The following AVPI1 variants were observed in gnomAD, a reference collection of about 807,000 sequenced individuals.
The protein encoded by AVPI1 is arginine vasopressin induced 1.
A neutral mutation model predicts 11.9 loss-of-function variants in AVPI1; 9 were observed. That is an observed-to-expected ratio of 0.76 (90% CI 0.46 to 1.32). AVPI1 has a LOEUF of 1.32. AVPI1 is among the 40% of genes most tolerant of loss of function. The pLI, the probability that AVPI1 is intolerant of heterozygous loss-of-function variation, is 0.00. For synonymous variants in AVPI1, 68 were observed against 78.1 expected (o/e 0.87, Z 0.68); for missense variants, 207 against 195.8 (o/e 1.06, Z -0.34).
At chr10:97,683,497 A>G (rs555900151) in intron 1 of AVPI1, among the ~76,000 whole-genome samples, 74 of 152,358 alleles carry the variant, frequency 4.9e-4, no homozygotes, top group African/African-American at 1.7e-3. Context: ...CTTCACAGCC[A>G]GGCAGCTTAA....
chr10:97,684,941 T>C (rs577871226), intron 1 of AVPI1, among the ~76,000 whole-genome samples: 1 of 152,238 alleles, frequency 6.6e-6, no homozygotes, highest in Non-Finnish European at 1.5e-5. Context: ...AGAACACTTT[T>C]ATTATCAAAG....
chr10:97,682,235 C>G (rs2041708865), intron 1 of AVPI1, among the ~76,000 whole-genome samples: 1 of 152,142 alleles, frequency 6.6e-6, no homozygotes. Flanking sequence ...TGTGGCACAG[C>G]CAGCTGATGA....
chr10:97,679,742 G>C lies in AVPI1; in HGVS notation c.164C>G (p.Ala55Gly), dbSNP rs755597853. Residue 55 changes from alanine (A) to glycine (G), a missense_variant, in exon 2 of 3, where the codon GCA becomes GGA. By Grantham distance (60) the Ala-to-Gly change is moderately conservative (BLOSUM62 0). Transcript: ENST00000370626. ...RSGDQLAEER[A>G]QIIWECAGDH... Reference sequence around the variant, plus strand: ...CCCTGCACATTCCCAGATGATCTGTGCCCGTTCCTCGGCCAGCTGGTCCCC... The same window carrying C: ...CCCTGCACATTCCCAGATGATCTGTCCCCGTTCCTCGGCCAGCTGGTCCCC... 6.2e-7 allele frequency: 1 copy of C among 1,614,146 alleles called. No individual in the cohort carries two copies. Among genetic ancestry groups the C allele is most frequent in the Non-Finnish European group, 8.5e-7 (1 of 1,180,034 alleles).
chr10:97,678,153 G>GT, intron 2 of AVPI1, 128 bp from the exon 3 acceptor site: 1 of 1,020,292 alleles, frequency 9.8e-7, no homozygotes, highest in Non-Finnish European at 1.4e-6. Context: ...GCTCTGCTCT[G>GT]GTCTTTCCCC....
intron 1 of AVPI1, among the ~76,000 whole-genome samples, chr10:97,686,197 G>A (rs542896747): frequency 1.3e-5 from 2 of 152,260 alleles, no homozygotes; most frequent in African/African-American, 4.8e-5. Flanking sequence ...AGTTTGTGAC[G>A]GCATTCCTTC....
intron 1 of AVPI1, among the ~76,000 whole-genome samples, chr10:97,681,845 T>C (rs932095926): frequency 1.5e-5 from 2 of 133,724 alleles, no homozygotes; most frequent in African/African-American, 5.8e-5. Context: ...GCCACTGCAG[T>C]CCGCAGTCCG....
chr10:97,677,965 A>C lies in AVPI1; in HGVS notation c.348T>G (p.Ser116Arg). The change falls in exon 3 of 3, where the codon AGT becomes AGG. Residue 116 changes from serine (S) to arginine (R), a missense_variant. Physicochemically the swap from Ser to Arg is moderately radical, Grantham distance 110 (BLOSUM62 -1). Transcript: ENST00000370626. ...TCTTCCTAGAGTGCAGATACTGCTC[A>C]CTGGAGGCTGTCTCTGTGGCACTCT... ...NPQSATETAS[S>R]EQYLHSRKKS... The C allele has an allele frequency of 6.2e-7, 1 of 1,613,948 alleles. No homozygotes were observed. Among genetic ancestry groups the C allele is most frequent in the Non-Finnish European group, 8.5e-7 (1 of 1,179,944 alleles).
chr10:97,683,694 G>C (rs549421952), intron 1 of AVPI1, among the ~76,000 whole-genome samples: 1 of 152,294 alleles, frequency 6.6e-6, no homozygotes, highest in African/African-American at 2.4e-5. Flanking sequence ...GCCCAGCCTT[G>C]AGCCGTAGCA....
intron 2 of AVPI1, 62 bp from the exon 3 acceptor site, chr10:97,678,087 G>C (rs1408174455): frequency 1.3e-6 from 2 of 1,545,032 alleles, no homozygotes; most frequent in Non-Finnish European, 8.9e-7. Context: ...GGGACTTCAA[G>C]AGATTTCGTC....
At chr10:97,685,743 C>G (rs1018178053) in intron 1 of AVPI1, among the ~76,000 whole-genome samples, 5 of 152,190 alleles carry the variant, frequency 3.3e-5, no homozygotes, top group African/African-American at 1.2e-4. Flanking sequence ...CCAGCAGGGC[C>G]TAGCCTCAGG....
chr10:97,677,747 T>TG lies in AVPI1; in HGVS notation c.*121dup. 1 of 1,196,516 alleles carries TG rather than the reference T, an allele frequency of 8.4e-7. No individual in the cohort carries two copies. The highest frequency in any genetic ancestry group is 1.2e-6 in the Non-Finnish European group (1 of 850,598). 74.1% of individuals were successfully genotyped at this position (1,196,516 alleles called of 1,614,324 possible). A position where few individuals can be genotyped will look rare whatever the true frequency, so the allele number is the denominator to read the frequency against. On this transcript the variant is annotated 3_prime_UTR_variant, in exon 3 of 3. Transcript: ENST00000370626. ...TCTTGTTCTGAATGGAGCAGGTCAGTGGCAGCAGCCTCTTGCTTTCATTTA... is the reference window on the plus strand; with the variant it reads ...TCTTGTTCTGAATGGAGCAGGTCAGTGGGCAGCAGCCTCTTGCTTTCATTTA...
Position 97,678,952 on chromosome 10 carries a change from T to TCA in AVPI1, c.287+666_287+667insTG, listed in dbSNP as rs1564779912. On this transcript the variant is annotated intron_variant, in intron 2 of 2. Coordinates refer to ENST00000370626, the MANE Select transcript of AVPI1 (RefSeq NM_021732.3). ...GTGTGTGTGTGTGTGTGTGTGTGTG[T>TCA]GTGTGTGTGTGTGTGTGTGTGTGTG... Among the ~76,000 whole-genome samples the TCA allele has an allele frequency of 3.3e-3, 131 of 39,698 alleles. 12 individuals are homozygous for TCA. The highest frequency in any genetic ancestry group is 9.8e-3 in the South Asian group (9 of 916). The allele number at this position is 39,698 out of a possible 152,430, so 26.0% of individuals were successfully genotyped here. A position where few individuals can be genotyped will look rare whatever the true frequency, so the allele number is the denominator to read the frequency against.
Position 97,677,987 on chromosome 10 carries a change from C to T in AVPI1, c.326G>A (p.Ser109Asn), listed in dbSNP as rs139597558. ...CTCACTGGAGGCTGTCTCTGTGGCA[C>T]TCTGTGGGTTGGCCAGTGCAGAGTG... is the stretch of plus-strand genomic sequence containing the variant. ...EPHSALANPQ[S>N]ATETASSEQY... The change falls in exon 3 of 3, where the codon AGT becomes AAT. Residue 109 changes from serine (S) to asparagine (N), a missense_variant. Physicochemically the swap from Ser to Asn is conservative, Grantham distance 46. Coordinates refer to ENST00000370626, the MANE Select transcript of AVPI1 (RefSeq NM_021732.3). 67 of 1,614,194 alleles carry T rather than the reference C, an allele frequency of 4.2e-5. No individual in the cohort carries two copies. In the African/African-American group the frequency reaches 8.3e-4, roughly 20 times the overall value.
chr10:97,682,120 A>T (rs2041708392), intron 1 of AVPI1, among the ~76,000 whole-genome samples: 1 of 152,214 alleles, frequency 6.6e-6, no homozygotes, highest in African/African-American at 2.4e-5. Context: ...ACCACCCTCC[A>T]TGGATACTGA....
chr10:97,683,896 T>C (rs2041716736), intron 1 of AVPI1, among the ~76,000 whole-genome samples: 1 of 152,222 alleles, frequency 6.6e-6, no homozygotes, highest in Non-Finnish European at 1.5e-5. Flanking sequence ...TAAGAACAGC[T>C]TGATGCTGTT....
intron 1 of AVPI1, among the ~76,000 whole-genome samples, chr10:97,686,233 C>A (rs2041728072): frequency 6.6e-6 from 1 of 152,204 alleles, no homozygotes; most frequent in South Asian, 2.1e-4. Flanking sequence ...CACAGACATT[C>A]TATGCATGCT....
At chr10:97,681,894 GA>G (rs555725587) in intron 1 of AVPI1, among the ~76,000 whole-genome samples, 7,045 of 106,474 alleles carry the variant, frequency 0.066, 234 homozygotes, top group East Asian at 0.17. Flanking sequence ...CAAAAAAAAA[GA>G]AAAAAAAAAA....
intron 2 of AVPI1, 67 bp downstream of exon 2, chr10:97,679,552 C>A: frequency 6.7e-7 from 1 of 1,497,410 alleles, no homozygotes; most frequent in Non-Finnish European, 8.9e-7. Context: ...CTCCAGGCCA[C>A]ACAGCCATGC....
At chr10:97,683,535 G>T (rs758507692) in intron 1 of AVPI1, among the ~76,000 whole-genome samples, 3 of 152,220 alleles carry the variant, frequency 2.0e-5, no homozygotes, top group Non-Finnish European at 4.4e-5. Context: ...TATGAAGAAT[G>T]CTTTCCTATT....
Sources: allele counts gnomAD v4.1 joint callset (sites outside exome capture counted in the v4.1 genomes callset), GRCh38; gene constraint gnomAD v4.1.1; transcripts MANE v1.5; gene names NCBI Gene and HGNC (gene_info 2026-07-23, HGNC 2026-07-21).